The following RBM26 variants were observed in gnomAD, a reference collection of about 807,000 sequenced individuals.
RBM26 encodes RNA-binding protein 26.
In RBM26, 30 loss-of-function variants were observed where a neutral mutation model predicts 123.6. The ratio of observed to expected loss-of-function variants is 0.24; its 90% CI spans 0.18 to 0.33. RBM26 has a LOEUF of 0.33. RBM26 is among the 10% of genes least tolerant of loss of function. The pLI is 1.00. For synonymous variants in RBM26, 400 were observed against 404.4 expected (o/e 0.99, Z 0.13); for missense variants, 947 against 1,203.6 (o/e 0.79, Z 3.15).
chr13:79,370,107 C>T (rs1458887499), intron 5 of RBM26, among the ~76,000 whole-genome samples: 1 of 151,954 alleles, frequency 6.6e-6, no homozygotes, highest in Non-Finnish European at 1.5e-5. Context: ...GTCAGGAATT[C>T]GAGACCAGTC....
chr13:79,386,219 AC>A (rs1415460743), intron 1 of RBM26, among the ~76,000 whole-genome samples: 1 of 152,124 alleles, frequency 6.6e-6, no homozygotes, highest in Non-Finnish European at 1.5e-5. Flanking sequence ...GCCGATTCTT[AC>A]ATCTGTTTTT....
At chr13:79,357,829 C>A (rs1276108585) in intron 11 of RBM26, among the ~76,000 whole-genome samples, 1 of 151,642 alleles carries the variant, frequency 6.6e-6, no homozygotes, top group African/African-American at 2.4e-5. Flanking sequence ...TGTATTTTTT[C>A]CTAAAAGGTA....
intron 1 of RBM26, among the ~76,000 whole-genome samples, chr13:79,403,819 A>G (rs2079262303): frequency 6.6e-6 from 1 of 152,194 alleles, no homozygotes; most frequent in Admixed American, 6.5e-5. Flanking sequence ...CTCCAGTGAA[A>G]CTATTTTGCT....
chr13:79,384,403 G>A (rs2077314727), intron 1 of RBM26, among the ~76,000 whole-genome samples: 1 of 151,968 alleles, frequency 6.6e-6, no homozygotes, highest in Non-Finnish European at 1.5e-5. Flanking sequence ...GACTACAGGT[G>A]CACACAACTA....
At chr13:79,357,198 T>C (rs1436920307) in intron 11 of RBM26, among the ~76,000 whole-genome samples, 1 of 152,142 alleles carries the variant, frequency 6.6e-6, no homozygotes, top group Non-Finnish European at 1.5e-5. Flanking sequence ...TATGTATATA[T>C]CTCTGTTGCC....
intron 1 of RBM26, among the ~76,000 whole-genome samples, chr13:79,390,644 G>A (rs1368627898): frequency 1.3e-5 from 2 of 152,068 alleles, no homozygotes; most frequent in Non-Finnish European, 2.9e-5. Context: ...CATGCTTTAG[G>A]GGTAAGTGCA....
chr13:79,373,153 TA>T lies in RBM26; in HGVS notation c.328-1224del, dbSNP rs1398163792. ...GATATATCTTATATATTATATATTT[TA>T]TGTATTATATATTTATATAAATTTT... On this transcript the variant is annotated intron_variant, in intron 3 of 21. Transcript: ENST00000438737. Among the ~76,000 whole-genome samples, 7 of 2,352 alleles carry T rather than the reference TA, an allele frequency of 3.0e-3. 2 individuals carry two copies. In the Non-Finnish European group the frequency reaches 0.042, roughly 14 times the overall value. The allele number at this position is 2,352 out of a possible 152,430, so 1.5% of individuals were successfully genotyped here. A position where few individuals can be genotyped will look rare whatever the true frequency, so the allele number is the denominator to read the frequency against.
At chr13:79,325,744 T>G (rs1233141371) in intron 20 of RBM26, among the ~76,000 whole-genome samples, 1 of 152,188 alleles carries the variant, frequency 6.6e-6, no homozygotes, top group Non-Finnish European at 1.5e-5. Flanking sequence ...GTACAGTGTT[T>G]ATAAGGTCTA....
At chr13:79,397,416 A>G (rs565323065) in intron 1 of RBM26, among the ~76,000 whole-genome samples, 1 of 152,082 alleles carries the variant, frequency 6.6e-6, no homozygotes, top group Admixed American at 6.5e-5. Context: ...CCAGCATGAT[A>G]AGAAATGAAG....
rs144354942 is a variant in RBM26, at chr13:79,357,370, C to T, written c.1689+904G>A. 2.8e-3 allele frequency among the ~76,000 whole-genome samples: 432 copies of T among 151,788 alleles called. 4 individuals are homozygous for T. Among genetic ancestry groups the T allele is most frequent in the African/African-American group, 0.01 (416 of 41,388 alleles). On this transcript the variant is annotated intron_variant, in intron 11 of 21. Transcript: ENST00000438737. ...TTATAAAATATAATTATTTTAATTGCAAAAAGAACACCATACAAAATGGGG... is the reference window on the plus strand; with the variant it reads ...TTATAAAATATAATTATTTTAATTGTAAAAAGAACACCATACAAAATGGGG...
chr13:79,376,272 C>A (rs1229367448), intron 3 of RBM26: 1 of 153,610 alleles, frequency 6.5e-6, no homozygotes, highest in African/African-American at 2.4e-5. Flanking sequence ...TGATCTGCAC[C>A]CTCAGGCTCT....
chr13:79,363,651 C>T (rs2074957722), intron 9 of RBM26, among the ~76,000 whole-genome samples: 1 of 152,152 alleles, frequency 6.6e-6, no homozygotes, highest in South Asian at 2.1e-4. Flanking sequence ...TCTCTCTCAA[C>T]AGGATCACTT....
At chr13:79,405,619 A>C in intron 1 of RBM26, 85 bp downstream of exon 1, 1 of 889,712 alleles carries the variant, frequency 1.1e-6, no homozygotes, top group Non-Finnish European at 1.7e-6. Flanking sequence ...CCTCCACCGC[A>C]GGCACTTGGG....
intron 20 of RBM26, among the ~76,000 whole-genome samples, chr13:79,327,675 AT>A (rs2068645516): frequency 6.6e-6 from 1 of 152,158 alleles, no homozygotes; most frequent in South Asian, 2.1e-4. Context: ...CCAATAGAAA[AT>A]ATTATGGAAC....
At chr13:79,327,770 A>G (rs1415804286) in intron 20 of RBM26, among the ~76,000 whole-genome samples, 1 of 152,184 alleles carries the variant, frequency 6.6e-6, no homozygotes, top group Admixed American at 6.5e-5. Flanking sequence ...ATATAAAGAA[A>G]CCATAAGCAG....
chr13:79,317,253 C>T (rs568015333), downstream of RBM26, among the ~76,000 whole-genome samples: 3 of 151,730 alleles, frequency 2.0e-5, no homozygotes, highest in South Asian at 6.2e-4. Context: ...ATATAAATTA[C>T]CATAACCAAA....
Position 79,339,458 on chromosome 13 carries a change from G to A in RBM26, c.2532+1665C>T, listed in dbSNP as rs377325062. 2.3e-4 allele frequency among the ~76,000 whole-genome samples: 35 copies of A among 152,168 alleles called. 1 individual carries two copies. The South Asian group carries it at 4.6e-3, about 20-fold the overall frequency. ...AAAAATCACAAGTATGTGGGGTGAT[G>A]GACATGTTAGCTTGACGTAATCAAT... On this transcript the variant is annotated intron_variant, in intron 18 of 21. Transcript: ENST00000438737.
intron 1 of RBM26, among the ~76,000 whole-genome samples, chr13:79,395,886 T>TTTC (rs1450517557): frequency 1.3e-5 from 2 of 151,540 alleles, no homozygotes; most frequent in Non-Finnish European, 2.9e-5. Context: ...AAATATAAAG[T>TTTC]CTCAGAAAAA....
intron 21 of RBM26, among the ~76,000 whole-genome samples, chr13:79,321,647 T>G (rs1427607713): frequency 6.6e-6 from 1 of 151,278 alleles, no homozygotes; most frequent in Non-Finnish European, 1.5e-5. Context: ...TGCTTATCCC[T>G]CCATCTAAAA....
Sources: allele counts gnomAD v4.1 joint callset (sites outside exome capture counted in the v4.1 genomes callset), GRCh38; gene constraint gnomAD v4.1.1; transcripts MANE v1.5; gene names NCBI Gene and HGNC (gene_info 2026-07-23, HGNC 2026-07-21).